The following KAZN variants were observed in gnomAD, a reference collection of about 807,000 sequenced individuals.
The protein encoded by KAZN is kazrin.
KAZN carries 40 observed loss-of-function variants against 87.4 expected under a neutral mutation model. The observed-to-expected ratio is 0.46, with a 90% CI of 0.36 to 0.60. The LOEUF is 0.60. KAZN is among the 20% of genes least tolerant of loss of function. The probability of loss-of-function intolerance (pLI) is 0.00; values close to 1 mark genes in which losing one functional copy is unlikely to be tolerated. For missense variants in KAZN, 898 were observed against 1,073.9 expected, an observed-to-expected ratio of 0.84 and a Z score of 2.29; for synonymous variants, 466 against 458.3, an observed-to-expected ratio of 1.02 and a Z score of -0.22.
In KAZN at chr1:14,837,525, G is replaced by A. The variant is rs1647399518; in HGVS notation, c.227-123159G>A. Among the ~76,000 whole-genome samples the A allele has an allele frequency of 1.4e-5, 2 of 147,972 alleles. 1 individual carries two copies. The highest frequency in any genetic ancestry group is 4.0e-4 in the East Asian group (2 of 4,974). ...ATACCTGTTGTTTTATGTCAGTGTAGTTCATTCATTCCCATAGCTGTATAA... is the reference window on the plus strand; with the variant it reads ...ATACCTGTTGTTTTATGTCAGTGTAATTCATTCATTCCCATAGCTGTATAA... On this transcript the variant is annotated intron_variant, in intron 1 of 14. Coordinates refer to ENST00000376030, the MANE Select transcript of KAZN (RefSeq NM_201628.3).
intron 2 of KAZN, among the ~76,000 whole-genome samples, chr1:14,213,322 C>T (rs542599292): frequency 6.6e-6 from 1 of 152,280 alleles, no homozygotes; most frequent in South Asian, 2.1e-4. Flanking sequence ...CCTCTTCCTC[C>T]CATCCCCTCC....
At chr1:14,888,347 G>T (rs754487246) in intron 1 of KAZN, among the ~76,000 whole-genome samples, 1 of 152,108 alleles carries the variant, frequency 6.6e-6, no homozygotes, top group Non-Finnish European at 1.5e-5. Flanking sequence ...TTCCAGGGTC[G>T]TCTTGTGCAC....
At chr1:14,729,955 C>T (rs796850752) in intron 1 of KAZN, among the ~76,000 whole-genome samples, 11 of 152,170 alleles carry the variant, frequency 7.2e-5, no homozygotes, top group African/African-American at 2.7e-4. Flanking sequence ...CACAGGCACG[C>T]CCATTCGTTC....
At chr1:13,958,324 A>C (rs923489563) in intron 1 of KAZN, among the ~76,000 whole-genome samples, 3 of 152,206 alleles carry the variant, frequency 2.0e-5, no homozygotes, top group Non-Finnish European at 4.4e-5. Context: ...TAATCCCAGC[A>C]CTTTGGGAGG....
chr1:14,705,516 T>C (rs1642162589), intron 1 of KAZN, among the ~76,000 whole-genome samples: 1 of 152,128 alleles, frequency 6.6e-6, no homozygotes, highest in South Asian at 2.1e-4. Context: ...ATAACCAAGA[T>C]ATGGAATCAA....
intron 1 of KAZN, among the ~76,000 whole-genome samples, chr1:14,626,119 A>T (rs1335002865): frequency 6.6e-6 from 1 of 152,218 alleles, no homozygotes; most frequent in East Asian, 1.9e-4. Context: ...GGCCCCAGCC[A>T]ACTGGACTGA....
At chr1:14,076,106 C>A (rs933627275) in intron 1 of KAZN, among the ~76,000 whole-genome samples, 2 of 151,972 alleles carry the variant, frequency 1.3e-5, no homozygotes, top group African/African-American at 4.8e-5. Flanking sequence ...ATGGTGAAAC[C>A]CTGTCTCTAC....
chr1:14,387,701 C>CCCT (rs1316151298), intron 2 of KAZN, among the ~76,000 whole-genome samples: 1 of 151,574 alleles, frequency 6.6e-6, no homozygotes. Context: ...GCTGGGAGAA[C>CCCT]CACTGCTCTC....
At chr1:14,986,024 A>T (rs925466292) in intron 2 of KAZN, among the ~76,000 whole-genome samples, 2 of 149,462 alleles carry the variant, frequency 1.3e-5, no homozygotes, top group Non-Finnish European at 3.0e-5. Flanking sequence ...AAAAAAAAAA[A>T]GGAAAGAAAG....
chr1:14,462,909 C>T (rs1667929857), intron 2 of KAZN, among the ~76,000 whole-genome samples: 1 of 152,116 alleles, frequency 6.6e-6, no homozygotes, highest in Non-Finnish European at 1.5e-5. Flanking sequence ...GGTGGGGACA[C>T]AGCCAAACCA....
chr1:14,706,621 A>C (rs1642224033), intron 1 of KAZN, among the ~76,000 whole-genome samples: 1 of 152,210 alleles, frequency 6.6e-6, no homozygotes, highest in Non-Finnish European at 1.5e-5. Context: ...TCAACTTTTA[A>C]AATGAAATTA....
In KAZN at chr1:14,234,238, G is replaced by C. The variant is rs113619115; in HGVS notation, c.249+53646G>C. ...ACTATGCAGCCATAAAAAAGGATGA[G>C]TTCATGTTCTTTGCAGGGACATGGA... On this transcript the variant is annotated intron_variant, in intron 2 of 16. Coordinates refer to the KAZN transcript ENST00000636203. Among the ~76,000 whole-genome samples the C allele has an allele frequency of 4.9e-4, 74 of 152,282 alleles. 1 individual carries two copies. The highest frequency in any genetic ancestry group is 1.7e-3 in the African/African-American group (71 of 41,548).
At chr1:14,900,996 G>C (rs565700775) in intron 1 of KAZN, among the ~76,000 whole-genome samples, 8 of 152,190 alleles carry the variant, frequency 5.3e-5, no homozygotes, top group Non-Finnish European at 1.2e-4. Context: ...TCTGTGCCAG[G>C]CACTGTCCCA....
chr1:15,007,568 G>A (rs759332690), intron 2 of KAZN, among the ~76,000 whole-genome samples: 6 of 152,200 alleles, frequency 3.9e-5, no homozygotes, highest in Non-Finnish European at 8.8e-5. Flanking sequence ...TGGGAGGCTC[G>A]GGCCGAGCTC....
rs940576259 is a variant in KAZN at position 14,996,943 on chromosome 1, G to A, written c.418+36068G>A. ...ACGTTGCCTTTTCTGTTCCTCAAAT[G>A]CTCTGAGGCTGTGTGTTCCCCCAGG... On this transcript the variant is annotated intron_variant, in intron 2 of 14. Transcript: ENST00000376030. The surrounding 1 kb of genome is among the most constrained non-coding windows in gnomAD (Gnocchi z 5.9). Among the ~76,000 whole-genome samples the A allele has an allele frequency of 5.3e-5, 8 of 152,154 alleles. No homozygotes were observed. The highest frequency in any genetic ancestry group is 2.6e-4 in the Admixed American group (4 of 15,276).
intron 2 of KAZN, among the ~76,000 whole-genome samples, chr1:14,491,662 G>T (rs1042870014): frequency 3.3e-5 from 5 of 152,156 alleles, no homozygotes; most frequent in Non-Finnish European, 7.4e-5. Flanking sequence ...AGCTTTCAAA[G>T]AGGTTTTCTT....
rs1250754901 is a variant in KAZN at position 15,099,700 on chromosome 1, CAG to C, written c.1548-1840_1548-1839del. Among the ~76,000 whole-genome samples, 1 of 152,180 alleles carries C rather than the reference CAG, an allele frequency of 6.6e-6. No homozygotes were observed. Among genetic ancestry groups the C allele is most frequent in the Non-Finnish European group, 1.5e-5 (1 of 68,034 alleles). ...ATTTTACTCCTGCAAAGAGAAGCCA[CAG>C]AGTGTTGAGCAGGGGAGTGCACGGT... On this transcript the variant is annotated intron_variant, in intron 10 of 14. Coordinates refer to ENST00000376030, the MANE Select transcript of KAZN (RefSeq NM_201628.3). This position sits in a 1 kb window ranked among gnomAD's most constrained non-coding sequence, Gnocchi z 5.4.
At chr1:14,928,853 A>G (rs936225162) in intron 1 of KAZN, among the ~76,000 whole-genome samples, 3 of 152,154 alleles carry the variant, frequency 2.0e-5, no homozygotes, top group African/African-American at 7.2e-5. Context: ...AGGAGTCTCA[A>G]CCTGTGGTCC....
intron 2 of KAZN, among the ~76,000 whole-genome samples, chr1:14,445,502 G>A (rs1468040105): frequency 6.6e-6 from 1 of 152,176 alleles, no homozygotes; most frequent in African/African-American, 2.4e-5. Context: ...CTTCCCTACG[G>A]CTTTCAGAAG....
Sources: gnomAD v4.1 joint callset for allele counts (sites outside exome capture counted in the v4.1 genomes callset) on GRCh38, gnomAD v4.1.1 for gene constraint, Gnocchi (gnomAD v3.1) non-coding constraint, MANE v1.5 for transcripts, NCBI Gene and HGNC (gene_info 2026-07-23, HGNC 2026-07-21) for gene names.